The following BCAS3 variants were observed in gnomAD, a reference collection of about 807,000 sequenced individuals.
BCAS3 encodes the protein BCAS4/BCAS3 fusion.
In BCAS3, 53 loss-of-function variants were observed where a neutral mutation model predicts 116.1. That is an observed-to-expected ratio of 0.46 (90% CI 0.37 to 0.57). The LOEUF is 0.57. BCAS3 is among the 20% of genes least tolerant of loss of function. BCAS3 has a pLI of 0.00. For synonymous variants in BCAS3, 391 were observed against 408.2 expected (o/e 0.96, Z 0.51); for missense variants, 917 against 1,165.4 (o/e 0.79, Z 3.10).
intron 7 of BCAS3, among the ~76,000 whole-genome samples, chr17:60,813,468 T>C (rs755860229): frequency 2.6e-5 from 4 of 152,226 alleles, no homozygotes; most frequent in Non-Finnish European, 5.9e-5. Context: ...GCATTGTTTT[T>C]TGCTTGTTGA....
rs76111537 is a variant in BCAS3, at chr17:60,782,946, C to T, written c.404-25058C>T. 1.6e-3 allele frequency among the ~76,000 whole-genome samples: 247 copies of T among 152,016 alleles called. 1 individual carries two copies. The highest frequency in any genetic ancestry group is 5.3e-3 in the African/African-American group (219 of 41,454). ...GTCATGCCAATTAAATTTGGGGCCC[C>T]AAATGCATGCATACGTATATTTACA... On this transcript the variant is annotated intron_variant, in intron 6 of 23. Transcript: ENST00000407086.
At chr17:61,049,873 C>T (rs2068697528) in intron 19 of BCAS3, among the ~76,000 whole-genome samples, 1 of 151,704 alleles carries the variant, frequency 6.6e-6, no homozygotes, top group African/African-American at 2.4e-5. Context: ...GCAGGGACCA[C>T]AGGCATGCGC....
chr17:61,298,529 T>C (rs1602504202), intron 22 of BCAS3, among the ~76,000 whole-genome samples: 1 of 152,362 alleles, frequency 6.6e-6, no homozygotes, highest in Non-Finnish European at 1.5e-5. Context: ...GCTGGCTCTC[T>C]TGAGCATCAT....
intron 9 of BCAS3, among the ~76,000 whole-genome samples, chr17:60,882,295 T>C (rs1230694918): frequency 8.6e-5 from 13 of 150,626 alleles, no homozygotes; most frequent in Non-Finnish European, 1.8e-4. Context: ...GTTGTTTGTT[T>C]TTTTCTTGTA....
rs1444478076 is a variant in BCAS3 at position 61,281,038 on chromosome 17, A to G, written c.2426-87289A>G. On this transcript the variant is annotated intron_variant, in intron 22 of 23. Transcript: ENST00000407086. The surrounding 1 kb of genome is among the most constrained non-coding windows in gnomAD (Gnocchi z 4.2). ...ATCTCCCAATCCTTGCCCAGAGGAA[A>G]CAATCACTGTCAGCAGTTTACTGTG... Among the ~76,000 whole-genome samples the G allele has an allele frequency of 6.6e-6, 1 of 152,260 alleles. No homozygotes were observed. Among genetic ancestry groups the G allele is most frequent in the East Asian group, 1.9e-4 (1 of 5,206 alleles).
At chr17:61,351,424 A>G (rs1281245782) in intron 22 of BCAS3, among the ~76,000 whole-genome samples, 3 of 152,244 alleles carry the variant, frequency 2.0e-5, no homozygotes, top group African/African-American at 7.2e-5. Flanking sequence ...TAAAATCAGT[A>G]CTTGACATTC....
At chr17:61,318,049 C>G (rs1220988570) in intron 22 of BCAS3, among the ~76,000 whole-genome samples, 1 of 152,210 alleles carries the variant, frequency 6.6e-6, no homozygotes, top group Non-Finnish European at 1.5e-5. Context: ...TGCAGGTGTC[C>G]AGGCTGTGCA....
intron 22 of BCAS3, among the ~76,000 whole-genome samples, chr17:61,296,171 A>C (rs2052885729): frequency 6.6e-6 from 1 of 152,240 alleles, no homozygotes; most frequent in Admixed American, 6.5e-5. Context: ...CATAAGAGAC[A>C]GATGTCTGTT....
chr17:61,128,538 G>A lies in BCAS3; in HGVS notation c.2425+43974G>A, dbSNP rs961128407. On this transcript the variant is annotated intron_variant, in intron 22 of 23. Transcript: ENST00000407086. This position sits in a 1 kb window ranked among gnomAD's most constrained non-coding sequence, Gnocchi z 4.1. ...CTTCCGTTCTTCTCTATCCCAAATC[G>A]TTTGAATCGTTTGACTGCTATACAC... 3 of 985,170 alleles carry A rather than the reference G, an allele frequency of 3.0e-6. No homozygotes were observed. The highest frequency in any genetic ancestry group is 1.1e-4 in the East Asian group (1 of 8,816). The allele number at this position is 985,170 out of a possible 1,614,324, so 61.0% of individuals were successfully genotyped here. A position where few individuals can be genotyped will look rare whatever the true frequency, so the allele number is the denominator to read the frequency against.
intron 12 of BCAS3, among the ~76,000 whole-genome samples, chr17:60,912,406 C>T (rs1013211187): frequency 1.3e-5 from 2 of 152,052 alleles, no homozygotes; most frequent in South Asian, 2.1e-4. Context: ...TGAAAAATTA[C>T]ATTTGGCAGC....
chr17:61,189,765 T>C lies in BCAS3; in HGVS notation c.2425+105201T>C, dbSNP rs1289972732. Reference sequence around the variant, plus strand: ...TATGCTAATTAAGTGGAAGAGAGAATGTAAGAGAAGCGGTTTAAAGAGGAG... The same window carrying C: ...TATGCTAATTAAGTGGAAGAGAGAACGTAAGAGAAGCGGTTTAAAGAGGAG... On this transcript the variant is annotated intron_variant, in intron 22 of 23. Coordinates refer to ENST00000407086, the MANE Select transcript of BCAS3 (RefSeq NM_017679.5). The surrounding 1 kb of genome is among the most constrained non-coding windows in gnomAD (Gnocchi z 4.5). Among the ~76,000 whole-genome samples the C allele has an allele frequency of 6.6e-6, 1 of 152,130 alleles. No homozygotes were observed. The highest frequency in any genetic ancestry group is 1.5e-5 in the Non-Finnish European group (1 of 68,032).
chr17:61,118,548 G>A lies in BCAS3; in HGVS notation c.2425+33984G>A, dbSNP rs1200171176. ...CTTAGCCTTCTCCAACACCACCCCT[G>A]TGGAGGTGTTGGGCACCTTGTCATA... On this transcript the variant is annotated intron_variant, in intron 22 of 23. Transcript: ENST00000407086. The surrounding 1 kb of genome is among the most constrained non-coding windows in gnomAD (Gnocchi z 5.0). Among the ~76,000 whole-genome samples the A allele has an allele frequency of 6.6e-6, 1 of 152,202 alleles. No homozygotes were observed. The highest frequency in any genetic ancestry group is 2.4e-5 in the African/African-American group (1 of 41,458).
In BCAS3 at chr17:61,211,412, C is replaced by G. The variant is rs1038061172; in HGVS notation, c.2425+126848C>G. 1.1e-4 allele frequency among the ~76,000 whole-genome samples: 17 copies of G among 152,156 alleles called. No individual in the cohort carries two copies. The highest frequency in any genetic ancestry group is 3.9e-4 in the African/African-American group (16 of 41,434). On this transcript the variant is annotated intron_variant, in intron 22 of 23. Coordinates refer to ENST00000407086, the MANE Select transcript of BCAS3 (RefSeq NM_017679.5). The surrounding 1 kb of genome is among the most constrained non-coding windows in gnomAD (Gnocchi z 4.4). The stretch of plus-strand genomic sequence containing the variant: ...GACTTCTTTTGTCATGTCTCTAGTG[C>G]AGATTTCCCAGCTGCCCAATTTGAG...
rs898825039 is a variant in BCAS3 at position 61,026,442 on chromosome 17, T to C, written c.1638-8224T>C. On this transcript the variant is annotated intron_variant, in intron 16 of 23. Transcript: ENST00000407086. The surrounding 1 kb of genome is among the most constrained non-coding windows in gnomAD (Gnocchi z 5.0). The stretch of plus-strand genomic sequence containing the variant: ...ACCAGTGAAAAGCAGACAATTCATA[T>C]CAAATTTTTTATCCAGTCATCGTTA... 3.9e-5 allele frequency among the ~76,000 whole-genome samples: 6 copies of C among 152,078 alleles called. No homozygotes were observed. Among genetic ancestry groups the C allele is most frequent in the African/African-American group, 1.4e-4 (6 of 41,446 alleles).
rs574835033 is a variant in BCAS3, at chr17:60,777,997, G to A, written c.404-30007G>A. On this transcript the variant is annotated intron_variant, in intron 6 of 23. Coordinates refer to ENST00000407086, the MANE Select transcript of BCAS3 (RefSeq NM_017679.5). ...ATTTTTATGTGTTCATTTGAAATCC[G>A]TATGTCTTCTTTGGTGAAATGTCCC... Among the ~76,000 whole-genome samples, 106 of 152,050 alleles carry A rather than the reference G, an allele frequency of 7.0e-4. 1 individual carries two copies. The South Asian group carries it at 0.013, about 19-fold the overall frequency.
intron 4 of BCAS3, among the ~76,000 whole-genome samples, chr17:60,693,102 C>T (rs117094479): frequency 5.6e-4 from 85 of 151,744 alleles, no homozygotes; most frequent in Non-Finnish European, 1.3e-4. Flanking sequence ...TCTTGAACTC[C>T]TGACCTCAGG....
At chr17:61,114,815 C>T (rs2075320129) in intron 22 of BCAS3, among the ~76,000 whole-genome samples, 2 of 149,020 alleles carry the variant, frequency 1.3e-5, no homozygotes, top group Admixed American at 1.3e-4. Context: ...AAGCTGGAGG[C>T]ATCACACTAC....
intron 22 of BCAS3, among the ~76,000 whole-genome samples, chr17:61,207,164 A>G (rs1025633056): frequency 6.6e-6 from 1 of 152,162 alleles, no homozygotes; most frequent in Non-Finnish European, 1.5e-5. Context: ...TTTATTGGCT[A>G]CACACATAAA....
At chr17:61,288,176 A>G (rs1407985493) in intron 22 of BCAS3, among the ~76,000 whole-genome samples, 2 of 152,186 alleles carry the variant, frequency 1.3e-5, no homozygotes, top group African/African-American at 2.4e-5. Context: ...CACTCAATCA[A>G]CTTGAATCAA....
Sources: gnomAD v4.1 joint callset for allele counts (sites outside exome capture counted in the v4.1 genomes callset) on GRCh38, gnomAD v4.1.1 for gene constraint, Gnocchi (gnomAD v3.1) non-coding constraint, MANE v1.5 for transcripts, NCBI Gene and HGNC (gene_info 2026-07-23, HGNC 2026-07-21) for gene names.